Variants in CACNA1A observed in about 807,000 individuals in gnomAD.
CACNA1A encodes voltage-dependent P/Q-type calcium channel subunit alpha-1A.
A neutral mutation model predicts 262.4 loss-of-function variants in CACNA1A; 57 were observed. The observed-to-expected ratio is 0.22, with a 90% CI of 0.18 to 0.27. CACNA1A has a LOEUF of 0.27. Ranked by LOEUF, CACNA1A falls within the 10% of genes least tolerant of loss-of-function variation. The pLI is 1.00. For missense variants in CACNA1A, 2,526 were observed against 3,562.8 expected, an observed-to-expected ratio of 0.71 and a Z score of 7.41; for synonymous variants, 1,431 against 1,419.3, an observed-to-expected ratio of 1.01 and a Z score of -0.18.
intron 24 of CACNA1A, among the ~76,000 whole-genome samples, chr19:13,271,109 C>A (rs910069523): frequency 9.7e-6 from 1 of 103,136 alleles, no homozygotes; most frequent in African/African-American, 3.8e-5. Flanking sequence ...CTGCCAAATT[C>A]CTGTGAGTTG....
intron 38 of CACNA1A, among the ~76,000 whole-genome samples, chr19:13,223,103 C>A (rs140342300): frequency 4.6e-4 from 70 of 152,328 alleles, no homozygotes; most frequent in African/African-American, 1.4e-3. Context: ...TGACTCACTG[C>A]AGCCTCAAAC....
At chr19:13,380,262 G>A (rs2059494298) in intron 3 of CACNA1A, among the ~76,000 whole-genome samples, 1 of 69,994 alleles carries the variant, frequency 1.4e-5, no homozygotes, top group Non-Finnish European at 2.6e-5. Flanking sequence ...CCAGCCTGGT[G>A]ACAGAGCAAG....
intron 10 of CACNA1A, among the ~76,000 whole-genome samples, chr19:13,325,561 A>G (rs2058346238): frequency 6.6e-6 from 1 of 152,122 alleles, no homozygotes; most frequent in African/African-American, 2.4e-5. Flanking sequence ...CTGCCTCCCA[A>G]GTAGTTGGGA....
intron 22 of CACNA1A, among the ~76,000 whole-genome samples, chr19:13,279,561 C>G (rs2057235540): frequency 6.6e-6 from 1 of 152,132 alleles, no homozygotes; most frequent in Non-Finnish European, 1.5e-5. Context: ...TCTTGGCTCA[C>G]TGGAACCTCT....
intron 3 of CACNA1A, among the ~76,000 whole-genome samples, chr19:13,441,698 G>T (rs1452982530): frequency 6.7e-6 from 1 of 149,546 alleles, no homozygotes; most frequent in East Asian, 2.0e-4. Context: ...GTCTCGGTTT[G>T]TTGCGAGTCC....
chr19:13,223,576 C>T (rs925807896), intron 38 of CACNA1A, among the ~76,000 whole-genome samples: 13 of 152,202 alleles, frequency 8.5e-5, no homozygotes, highest in African/African-American at 3.1e-4. Flanking sequence ...CCCATCCCCT[C>T]AGTGGCCGGA....
intron 34 of CACNA1A, 125 bp downstream of exon 34, chr19:13,234,796 G>A (rs2055817259): frequency 1.4e-6 from 1 of 703,532 alleles, no homozygotes; most frequent in African/African-American, 1.8e-5. Flanking sequence ...GCCCCTGCCA[G>A]AAGAGAAGGA....
intron 1 of CACNA1A, among the ~76,000 whole-genome samples, chr19:13,462,400 G>A (rs1033013802): frequency 6.6e-6 from 1 of 152,170 alleles, no homozygotes; most frequent in Non-Finnish European, 1.5e-5. Flanking sequence ...CCAGGAAAAA[G>A]AGTAGAGGGT....
rs373229577 is a variant in CACNA1A, at chr19:13,210,639, C to T, written c.6317G>A (p.Arg2106Gln). ...TACACTGAGGTTATTCCCACGTGGC[C>T]GGCCCCTTCTCCTCTGTCACAGCCC... is the stretch of plus-strand genomic sequence containing the variant. ...LPAENQRRRG[R>Q]PRGNNLSTIS... is the part of the protein sequence containing the mutation. The change falls in exon 44 of 47, where the codon CGG becomes CAG. Residue 2106 changes from arginine (R) to glutamine (Q), a missense_variant. Around this residue, in one of 17 missense-constraint regions of CACNA1A, gnomAD observed 929 missense variants for 868.1 expected, o/e 1.07. Transcript: ENST00000360228. 57 of 1,564,864 alleles carry T rather than the reference C, an allele frequency of 3.6e-5. No individual in the cohort carries two copies. Among genetic ancestry groups the T allele is most frequent in the East Asian group, 9.5e-5 (4 of 42,108 alleles).
At chr19:13,403,816 G>A (rs2059954070) in intron 3 of CACNA1A, among the ~76,000 whole-genome samples, 1 of 152,014 alleles carries the variant, frequency 6.6e-6, no homozygotes, top group African/African-American at 2.4e-5. Flanking sequence ...AAATTAGCTG[G>A]GCATGGTGGT....
intron 1 of CACNA1A, among the ~76,000 whole-genome samples, chr19:13,475,034 C>A (rs553068593): frequency 3.3e-5 from 5 of 152,174 alleles, no homozygotes; most frequent in Admixed American, 2.0e-4. Flanking sequence ...ATTAGAAGCA[C>A]TATAGGAAGA....
intron 23 of CACNA1A, 72 bp from the exon 24 acceptor site, chr19:13,276,028 T>G: frequency 7.0e-5 from 67 of 956,606 alleles, no homozygotes; most frequent in Non-Finnish European, 9.9e-5. Flanking sequence ...ACCCACTCTC[T>G]AGCCTCTCGG....
chr19:13,407,525 C>A lies in CACNA1A; in HGVS notation c.540-35746G>T, dbSNP rs139231374. 1.8e-3 allele frequency among the ~76,000 whole-genome samples: 273 copies of A among 152,274 alleles called. 2 individuals are homozygous for A. The highest frequency in any genetic ancestry group is 6.4e-3 in the African/African-American group (264 of 41,552). ...TCTAACAGCACTTGTATACAGTAGA[C>A]ACCCTATAAGTACTAGCTCTTATTG... On this transcript the variant is annotated intron_variant, in intron 3 of 46. Coordinates refer to ENST00000360228, the MANE Select transcript of CACNA1A (RefSeq NM_001127222.2).
chr19:13,453,135 A>T (rs1568659983), intron 2 of CACNA1A, 120 bp from the exon 3 acceptor site: 1 of 976,498 alleles, frequency 1.0e-6, no homozygotes, highest in East Asian at 2.4e-5. Context: ...ACCCTCCTGC[A>T]CTCACCACCC....
At chr19:13,378,475 T>C (rs112961748) in intron 3 of CACNA1A, among the ~76,000 whole-genome samples, 158 of 152,176 alleles carry the variant, frequency 1.0e-3, no homozygotes, top group African/African-American at 3.5e-3. Flanking sequence ...AGTCGATGGA[T>C]GCGGAAAACT....
At chr19:13,404,991 G>A (rs943032016) in intron 3 of CACNA1A, among the ~76,000 whole-genome samples, 2 of 151,856 alleles carry the variant, frequency 1.3e-5, no homozygotes, top group Non-Finnish European at 2.9e-5. Context: ...CCACCTCCCG[G>A]GTTCAAGCGA....
intron 3 of CACNA1A, among the ~76,000 whole-genome samples, chr19:13,381,310 G>C (rs114260111): frequency 0.015 from 2,290 of 152,172 alleles, 63 homozygotes; most frequent in African/African-American, 0.053. Context: ...TTGGTGGGAG[G>C]ACCACTTGAG....
chr19:13,468,547 G>T (rs1337527520), intron 1 of CACNA1A, among the ~76,000 whole-genome samples: 1 of 152,190 alleles, frequency 6.6e-6, no homozygotes, highest in African/African-American at 2.4e-5. Context: ...AGCACTTTGG[G>T]AGGCCAAGGT....
At chr19:13,253,151 G>A in intron 29 of CACNA1A, 50 bp from the exon 30 acceptor site, 1 of 1,190,174 alleles carries the variant, frequency 8.4e-7, no homozygotes, top group Non-Finnish European at 1.2e-6. Flanking sequence ...GGGGTGGGAA[G>A]TGGGAAGTGG....
Sources: allele counts gnomAD v4.1 joint callset (sites outside exome capture counted in the v4.1 genomes callset), GRCh38; gene constraint gnomAD v4.1.1; regional missense constraint gnomAD v4.1.1; transcripts MANE v1.5; gene names NCBI Gene and HGNC (gene_info 2026-07-23, HGNC 2026-07-21).